Variants in KCNN2 observed in about 807,000 individuals in gnomAD.
KCNN2 encodes the protein potassium calcium-activated channel subfamily N member 2.
Under a neutral mutation model 55.5 loss-of-function variants are expected in KCNN2, and 24 were observed. The ratio of observed to expected loss-of-function variants is 0.43; its 90% CI spans 0.31 to 0.61. The LOEUF is 0.61. Among genes scored for constraint, KCNN2 ranks in the 20% least tolerant of loss-of-function variants. KCNN2 has a pLI of 0.08. For missense variants in KCNN2, 754 were observed against 853.6 expected, an observed-to-expected ratio of 0.88 and a Z score of 1.45; for synonymous variants, 431 against 336.1, an observed-to-expected ratio of 1.28 and a Z score of -3.09.
At chr5:114,478,344 A>G (rs1414124200) in intron 5 of KCNN2, among the ~76,000 whole-genome samples, 1 of 152,154 alleles carries the variant, frequency 6.6e-6, no homozygotes, top group East Asian at 1.9e-4. Flanking sequence ...CAAAGTTTTA[A>G]TGAAAAGAAT....
At chr5:114,177,193 A>G (rs1032388421) in intron 1 of KCNN2, among the ~76,000 whole-genome samples, 39 of 147,796 alleles carry the variant, frequency 2.6e-4, no homozygotes, top group Non-Finnish European at 5.3e-4. Context: ...GCTGGAGTGC[A>G]GTGGCGCGAT....
intron 5 of KCNN2, chr5:114,486,757 G>T: frequency 7.7e-7 from 1 of 1,297,658 alleles, no homozygotes; most frequent in African/African-American, 1.5e-5. Flanking sequence ...AACACCCCTT[G>T]ATTAAAAAAA....
intron 2 of KCNN2, among the ~76,000 whole-genome samples, chr5:114,264,147 G>T (rs4602617): frequency 0.37 from 56,116 of 151,932 alleles, 10,846 homozygotes; most frequent in East Asian, 0.72. Context: ...TTGGAAACAT[G>T]AACTGTTTCC....
At chr5:114,337,950 A>G (rs146388168) in intron 2 of KCNN2, among the ~76,000 whole-genome samples, 39 of 152,306 alleles carry the variant, frequency 2.6e-4, no homozygotes, top group Admixed American at 2.4e-3. Flanking sequence ...CATTGGGAAT[A>G]AAATATTAAA....
intron 2 of KCNN2, among the ~76,000 whole-genome samples, chr5:114,267,720 C>T (rs775879861): frequency 1.1e-4 from 17 of 151,990 alleles, no homozygotes; most frequent in Non-Finnish European, 2.4e-4. Context: ...ATATAATAAT[C>T]CCTGAATGGT....
chr5:114,337,332 T>G (rs1233562083), intron 2 of KCNN2, among the ~76,000 whole-genome samples: 1 of 152,170 alleles, frequency 6.6e-6, no homozygotes, highest in East Asian at 1.9e-4. Flanking sequence ...GTATTTGAAC[T>G]CACTGAGGTT....
At chr5:114,123,901 T>C (rs1751877196) in intron 1 of KCNN2, among the ~76,000 whole-genome samples, 1 of 152,174 alleles carries the variant, frequency 6.6e-6, no homozygotes, top group Admixed American at 6.5e-5. Flanking sequence ...ATTGCAATTG[T>C]GGGCTACACC....
At chr5:114,157,650 C>T (rs956543594) in intron 1 of KCNN2, among the ~76,000 whole-genome samples, 1 of 152,170 alleles carries the variant, frequency 6.6e-6, no homozygotes, top group Non-Finnish European at 1.5e-5. Context: ...TGTTTCTCCA[C>T]ATCCTCTCCA....
intron 2 of KCNN2, 46 bp downstream of exon 2, chr5:114,364,047 C>A (rs774801747): frequency 9.1e-6 from 13 of 1,434,796 alleles, no homozygotes; most frequent in Non-Finnish European, 1.3e-5. Context: ...GCCCTACAGT[C>A]AGCCTAGAGA....
At chr5:114,073,827 GAAC>G (rs1243481158) in intron 1 of KCNN2, among the ~76,000 whole-genome samples, 1 of 152,150 alleles carries the variant, frequency 6.6e-6, no homozygotes, top group African/African-American at 2.4e-5. Context: ...GGACAGAAGA[GAAC>G]AATATTGAAT....
intron 1 of KCNN2, among the ~76,000 whole-genome samples, chr5:114,061,282 T>C (rs935518320): frequency 6.6e-6 from 1 of 152,186 alleles, no homozygotes; most frequent in African/African-American, 2.4e-5. Context: ...TCCAAGACGC[T>C]ACCTCCCCAC....
intron 2 of KCNN2, among the ~76,000 whole-genome samples, chr5:114,401,646 T>G (rs1223502842): frequency 6.6e-6 from 1 of 152,122 alleles, no homozygotes; most frequent in Non-Finnish European, 1.5e-5. Context: ...GTTTCCAGAT[T>G]TTTACAGGGC....
intron 2 of KCNN2, among the ~76,000 whole-genome samples, chr5:114,268,504 G>C (rs757770578): frequency 1.3e-5 from 2 of 152,034 alleles, no homozygotes; most frequent in Non-Finnish European, 2.9e-5. Flanking sequence ...AGCCTTTTTT[G>C]TGCAAATACC....
intron 2 of KCNN2, among the ~76,000 whole-genome samples, chr5:114,247,270 G>A (rs890377417): frequency 6.7e-6 from 1 of 148,828 alleles, no homozygotes; most frequent in Admixed American, 6.7e-5. Flanking sequence ...AGAGATATCT[G>A]TGCTGACTCT....
At chr5:114,124,766 A>C (rs948728804) in intron 1 of KCNN2, among the ~76,000 whole-genome samples, 2 of 152,178 alleles carry the variant, frequency 1.3e-5, no homozygotes, top group Admixed American at 6.5e-5. Context: ...CTGGTCTTCT[A>C]TCAAATTGCT....
intron 3 of KCNN2, among the ~76,000 whole-genome samples, chr5:114,430,284 G>A (rs1759750563): frequency 6.6e-6 from 1 of 151,842 alleles, no homozygotes; most frequent in South Asian, 2.1e-4. Context: ...AGCTCTTCTT[G>A]GATTTCTTTC....
chr5:114,309,278 G>C (rs1338597274), intron 2 of KCNN2, among the ~76,000 whole-genome samples: 1 of 152,164 alleles, frequency 6.6e-6, no homozygotes, highest in Non-Finnish European at 1.5e-5. Flanking sequence ...TTCAAAATTA[G>C]ATTCAAGGTC....
intron 1 of KCNN2, among the ~76,000 whole-genome samples, chr5:114,105,572 A>G (rs879455150): frequency 3.9e-5 from 6 of 152,110 alleles, no homozygotes; most frequent in Non-Finnish European, 7.4e-5. Context: ...AACAATGTGT[A>G]TACAATACTG....
chr5:114,111,508 G>T (rs76610512), intron 1 of KCNN2, among the ~76,000 whole-genome samples: 6,956 of 152,194 alleles, frequency 0.046, 527 homozygotes, highest in African/African-American at 0.16. Context: ...AAGAGCTTCT[G>T]CACAGCAAAA....
Sources: gnomAD v4.1 joint callset for allele counts (sites outside exome capture counted in the v4.1 genomes callset) on GRCh38, gnomAD v4.1.1 for gene constraint, MANE v1.5 for transcripts, NCBI Gene and HGNC (gene_info 2026-07-23, HGNC 2026-07-21) for gene names.